KARS1: variants seen among roughly 807,000 people sequenced by gnomAD.
KARS1 encodes the protein lysyl-tRNA synthetase 1, also known as lysine--tRNA ligase.
A neutral mutation model predicts 63.9 loss-of-function variants in KARS1; 50 were observed. The ratio of observed to expected loss-of-function variants is 0.78; its 90% CI spans 0.62 to 0.99. KARS1 has a LOEUF of 0.99. Among genes scored for constraint, KARS1 ranks in the 50% least tolerant of loss-of-function variants. The probability of loss-of-function intolerance (pLI) is 0.00; values close to 1 mark genes in which losing one functional copy is unlikely to be tolerated. For missense variants in KARS1, 816 were observed against 754.5 expected, an observed-to-expected ratio of 1.08 and a Z score of -0.95; for synonymous variants, 320 against 264.6, an observed-to-expected ratio of 1.21 and a Z score of -2.03.
intron 1 of KARS1, among the ~76,000 whole-genome samples, chr16:75,647,078 C>T (rs1445070727): frequency 6.6e-6 from 1 of 152,170 alleles, no homozygotes; most frequent in East Asian, 1.9e-4. Context: ...CTGAATAACC[C>T]ATACGGGTAG....
chr16:75,640,715 T>C (rs1213031206), intron 2 of KARS1, among the ~76,000 whole-genome samples: 2 of 152,216 alleles, frequency 1.3e-5, no homozygotes, highest in Non-Finnish European at 2.9e-5. Flanking sequence ...ACTACTCTCC[T>C]ACCTCTGGCG....
chr16:75,640,121 G>A, intron 3 of KARS1, 63 bp downstream of exon 3: 1 of 1,402,972 alleles, frequency 7.1e-7, no homozygotes, highest in Non-Finnish European at 1.0e-6. Flanking sequence ...CTTCCCTTGT[G>A]CTACTGAAGC....
At chr16:75,640,428 T>A in intron 2 of KARS1, 79 bp from the exon 3 acceptor site, 4 of 1,353,708 alleles carry the variant, frequency 3.0e-6, no homozygotes, top group Non-Finnish European at 4.2e-6. Flanking sequence ...CAGAGGGCAG[T>A]ATTCTGCCCC....
chr16:75,634,053 G>C (rs2151804055), intron 7 of KARS1, 120 bp downstream of exon 7: 1 of 1,081,766 alleles, frequency 9.2e-7, no homozygotes, highest in East Asian at 2.4e-5. Flanking sequence ...TGACCCATCA[G>C]AACACTTTCT....
chr16:75,635,852 A>T, intron 5 of KARS1, 47 bp from the exon 6 acceptor site: 1 of 1,614,168 alleles, frequency 6.2e-7, no homozygotes, highest in Non-Finnish European at 8.5e-7. Context: ...TCTGATCCAA[A>T]GGTATGATAA....
chr16:75,639,116 C>T (rs1379434886), intron 3 of KARS1, among the ~76,000 whole-genome samples: 1 of 149,926 alleles, frequency 6.7e-6, no homozygotes, highest in East Asian at 2.0e-4. Flanking sequence ...TGCAGTGAGC[C>T]GAGATTGCGC....
chr16:75,634,051 C>G, intron 7 of KARS1, 122 bp downstream of exon 7: 1 of 1,051,784 alleles, frequency 9.5e-7, no homozygotes, highest in Non-Finnish European at 1.5e-6. Flanking sequence ...CCTGACCCAT[C>G]AGAACACTTT....
intron 7 of KARS1, among the ~76,000 whole-genome samples, chr16:75,632,159 G>A (rs995573042): frequency 2.6e-5 from 4 of 152,100 alleles, no homozygotes; most frequent in African/African-American, 7.2e-5. Flanking sequence ...CAAAGTGCTG[G>A]GATTACAGGC....
At chr16:75,639,369 C>T (rs1001975349) in intron 3 of KARS1, among the ~76,000 whole-genome samples, 30 of 151,694 alleles carry the variant, frequency 2.0e-4, no homozygotes, top group East Asian at 7.8e-4. Flanking sequence ...GTCAGGAGTT[C>T]GAGACCAGCC....
At chr16:75,628,988 G>T (rs573851246) in intron 12 of KARS1, 28 of 510,250 alleles carry the variant, frequency 5.5e-5, no homozygotes, top group Non-Finnish European at 9.2e-5. Flanking sequence ...CTCCAAACAG[G>T]TTAATTCTCA....
At chr16:75,636,581 G>A in intron 3 of KARS1, 34 bp from the exon 4 acceptor site, 2 of 1,307,630 alleles carry the variant, frequency 1.5e-6, no homozygotes, top group Non-Finnish European at 1.1e-6. Flanking sequence ...CTGACTGACA[G>A]AACCAGAAGT....
chr16:75,634,588 T>G (rs191568136), intron 6 of KARS1, among the ~76,000 whole-genome samples: 2 of 152,234 alleles, frequency 1.3e-5, no homozygotes, highest in African/African-American at 2.4e-5. Context: ...TTATTTAATT[T>G]TTTTTAAGAC....
In KARS1 at chr16:75,636,473, G is replaced by C. The variant is rs779810097; in HGVS notation, c.463C>G (p.Gln155Glu). The C allele has an allele frequency of 1.9e-6, 3 of 1,612,294 alleles. No homozygotes were observed. The highest frequency in any genetic ancestry group is 1.7e-5 in the Admixed American group (1 of 60,016). Residue 155 changes from glutamine (Q) to glutamate (E), a missense_variant, in exon 4 of 14, where the codon CAA becomes GAA. Coordinates refer to ENST00000302445, the MANE Select transcript of KARS1 (RefSeq NM_005548.3). The part of the protein sequence containing the change: ...YDLRGEGVKL[Q>E]VMANSRNYKS... ...AGATACCTGGAATTGGCCATGACTT[G>C]CAACTTCACCCCCTCTCCTCGAAGA... is the stretch of plus-strand genomic sequence containing the variant.
intron 1 of KARS1, among the ~76,000 whole-genome samples, chr16:75,645,464 TGACACTA>T (rs1292011562): frequency 6.6e-6 from 1 of 152,240 alleles, no homozygotes; most frequent in African/African-American, 2.4e-5. Context: ...AGGTTATTAC[TGACACTA>T]GACAGAAAGC....
intron 1 of KARS1, among the ~76,000 whole-genome samples, chr16:75,645,221 G>C (rs1404229392): frequency 4.6e-5 from 7 of 152,160 alleles, no homozygotes; most frequent in Non-Finnish European, 1.0e-4. Flanking sequence ...AATTATTTTA[G>C]CTCATGGTAA....
chr16:75,635,968 G>A lies in KARS1; in HGVS notation c.613C>T (p.Leu205=), dbSNP rs200848719. Residue 205 remains leucine, a synonymous_variant, in exon 5 of 14, where the codon CTG becomes TTG. Transcript: ENST00000302445. ...AACATATGCAAACAGGGAGACAGCAGTGTGATCTCATACGGAATGATGCTC... is the reference window on the plus strand; with the variant it reads ...AACATATGCAAACAGGGAGACAGCAATGTGATCTCATACGGAATGATGCTC... The part of the protein sequence containing the change: ...ELSIIPYEIT[L]LSPCLHMLPH... 2.0e-5 allele frequency: 33 copies of A among 1,614,170 alleles called. No homozygotes were observed. In the East Asian group the frequency reaches 7.4e-4, roughly 36 times the overall value.
At position 75,636,481 on chromosome 16, in the gene KARS1, A is replaced by AC. The variant is rs1278629075; in HGVS notation, c.454dup (p.Val152GlyfsTer13). 6.2e-7 allele frequency: 1 copy of AC among 1,612,634 alleles called. No individual in the cohort carries two copies. ...GGAATTGGCCATGACTTGCAACTTC[A>AC]CCCCCTCTCCTCGAAGATCATAGAA... On this transcript the variant is annotated frameshift_variant, in exon 4 of 14. Transcript: ENST00000302445. LOFTEE classifies it high-confidence loss of function.
In KARS1 at chr16:75,636,087, G is replaced by T; in HGVS notation, c.494C>A (p.Ser165Ter). The T allele has an allele frequency of 6.4e-7, 1 of 1,574,176 alleles. No homozygotes were observed. Among genetic ancestry groups the T allele is most frequent in the South Asian group, 1.1e-5 (1 of 90,094 alleles). ...ATTAATATGAATAAATTCTTCTTCT[G>T]ATTTATAATTTCTGAGTGAAAAAGA... ...QVMANSRNYK[S>*]EEEFIHINNK... is the part of the protein sequence containing the mutation. Residue 165 changes from serine (S) to a stop codon, truncating the protein, a stop_gained, in exon 5 of 14, where the codon TCA becomes TAA. Coordinates refer to ENST00000302445, the MANE Select transcript of KARS1 (RefSeq NM_005548.3). LOFTEE classifies it high-confidence loss of function.
At chr16:75,642,733 T>G (rs577034551) in intron 1 of KARS1, 1 of 152,308 alleles carries the variant, frequency 6.6e-6, no homozygotes, top group East Asian at 1.9e-4. Context: ...CAAAGCAGTA[T>G]AGTACAGGGG....
Sources: gnomAD v4.1 joint callset for allele counts (sites outside exome capture counted in the v4.1 genomes callset) on GRCh38, gnomAD v4.1.1 for gene constraint, MANE v1.5 for transcripts, NCBI Gene and HGNC (gene_info 2026-07-23, HGNC 2026-07-21) for gene names.